The following CCDC192 variants were observed in gnomAD, a reference collection of about 807,000 sequenced individuals.
CCDC192 encodes coiled-coil domain-containing protein 192.
chr5:127,922,417 G>T (rs1025104001), intron 6 of CCDC192, among the ~76,000 whole-genome samples: 4 of 151,808 alleles, frequency 2.6e-5, no homozygotes, highest in African/African-American at 9.7e-5. Context: ...GTTATAAATC[G>T]CAATGCTTAA....
intron 5 of CCDC192, among the ~76,000 whole-genome samples, chr5:127,842,118 C>T (rs1209657614): frequency 6.6e-6 from 1 of 152,238 alleles, no homozygotes; most frequent in African/African-American, 2.4e-5. Flanking sequence ...GCTTCAAGGG[C>T]ATGCATTCCC....
chr5:127,786,530 A>C, intron 3 of CCDC192: 1 of 640,846 alleles, frequency 1.6e-6, no homozygotes, highest in Non-Finnish European at 2.9e-6. Context: ...CTGTTTATTC[A>C]GTGGCCTAAA....
rs202152599 is a variant in CCDC192, at chr5:127,787,720, TTCTA to T, written c.223-9379_223-9376del. ...TATTTTTCTGTTGTTTTGTGGATTG[TTCTA>T]TCTGTCATACTACGTCTGTTATGTC... On this transcript the variant is annotated intron_variant, in intron 3 of 6. Coordinates refer to ENST00000514853, the MANE Select transcript of CCDC192 (RefSeq NM_001317938.2). 5.5e-4 allele frequency among the ~76,000 whole-genome samples: 84 copies of T among 152,330 alleles called. 1 individual carries two copies. The East Asian group carries it at 0.014, about 25-fold the overall frequency.
At chr5:127,708,555 T>C (rs1030359176) in intron 2 of CCDC192, among the ~76,000 whole-genome samples, 16 of 152,298 alleles carry the variant, frequency 1.1e-4, no homozygotes, top group Middle Eastern at 3.4e-3. Context: ...ATAGAGGCAG[T>C]ATAGTATGGA....
chr5:127,929,999 T>G (rs1352621716), intron 6 of CCDC192, among the ~76,000 whole-genome samples: 1 of 151,650 alleles, frequency 6.6e-6, no homozygotes, highest in African/African-American at 2.4e-5. Flanking sequence ...AGGTTAGGAG[T>G]TCAAGACCAG....
At chr5:127,818,304 T>G (rs1366828481) in intron 5 of CCDC192, among the ~76,000 whole-genome samples, 1 of 152,224 alleles carries the variant, frequency 6.6e-6, no homozygotes, top group Non-Finnish European at 1.5e-5. Flanking sequence ...TACTAAAGAC[T>G]GAGTCTCTAG....
chr5:127,736,569 T>C (rs986390705), intron 2 of CCDC192, among the ~76,000 whole-genome samples: 1 of 151,972 alleles, frequency 6.6e-6, no homozygotes, highest in African/African-American at 2.4e-5. Context: ...TGGACTCTTT[T>C]TGGTTGGTAA....
chr5:127,847,764 G>C (rs955380529), intron 5 of CCDC192, among the ~76,000 whole-genome samples: 3 of 151,518 alleles, frequency 2.0e-5, no homozygotes, highest in African/African-American at 7.3e-5. Context: ...TGGAGGTTGC[G>C]GTGAGCCAAG....
rs550777878 is a variant in CCDC192 at position 127,785,352 on chromosome 5, G to T, written c.223-11751G>T. On this transcript the variant is annotated intron_variant, in intron 3 of 6. Transcript: ENST00000514853. ...CTGAATGCTGAAATCCCAGTCTAGG[G>T]GTTCTGAATTTGTCAGGTGATTTTT... The T allele has an allele frequency of 1.3e-3, 553 of 434,912 alleles. 1 individual carries two copies. The highest frequency in any genetic ancestry group is 1.8e-3 in the Non-Finnish European group (408 of 221,346). 26.9% of individuals were successfully genotyped at this position (434,912 alleles called of 1,614,324 possible).
chr5:127,745,464 T>G (rs941690494), intron 2 of CCDC192, among the ~76,000 whole-genome samples: 1 of 152,220 alleles, frequency 6.6e-6, no homozygotes, highest in African/African-American at 2.4e-5. Flanking sequence ...CATCCATGCA[T>G]AATAATAGTC....
At chr5:127,880,017 G>A (rs918077845) in intron 6 of CCDC192, among the ~76,000 whole-genome samples, 31 of 152,132 alleles carry the variant, frequency 2.0e-4, no homozygotes, top group Non-Finnish European at 4.3e-4. Flanking sequence ...AACCATTGTG[G>A]AAGTCAGTGT....
chr5:127,870,443 G>A (rs1482200609), intron 5 of CCDC192, among the ~76,000 whole-genome samples: 4 of 152,212 alleles, frequency 2.6e-5, no homozygotes, highest in African/African-American at 9.6e-5. Context: ...ATTGCTTAGT[G>A]CAGACTGAAG....
intron 1 of CCDC192, among the ~76,000 whole-genome samples, chr5:127,704,747 A>G (rs1750863283): frequency 6.6e-6 from 1 of 152,096 alleles, no homozygotes; most frequent in South Asian, 2.1e-4. Context: ...ATTTTCCCAG[A>G]ACAAAGCAGC....
chr5:127,810,487 T>C (rs1261316132), intron 5 of CCDC192, among the ~76,000 whole-genome samples: 1 of 152,184 alleles, frequency 6.6e-6, no homozygotes, highest in Admixed American at 6.5e-5. Flanking sequence ...TCTAGCTGTA[T>C]ACCCAGAAAG....
intron 2 of CCDC192, among the ~76,000 whole-genome samples, chr5:127,752,971 G>C (rs1316611009): frequency 3.6e-4 from 55 of 152,226 alleles, no homozygotes; most frequent in Non-Finnish European, 6.8e-4. Context: ...CCTGCTTTGG[G>C]TCGCGTCGGT....
intron 6 of CCDC192, among the ~76,000 whole-genome samples, chr5:127,912,052 G>T (rs1021776132): frequency 4.6e-5 from 7 of 151,096 alleles, no homozygotes; most frequent in Non-Finnish European, 8.8e-5. Flanking sequence ...CTCCCGAGCA[G>T]CTGGGACTAC....
chr5:127,932,779 C>T (rs569259057), intron 6 of CCDC192, among the ~76,000 whole-genome samples: 30 of 152,270 alleles, frequency 2.0e-4, no homozygotes, highest in African/African-American at 7.2e-4. Context: ...TTTCATGGAG[C>T]TTTCATTCCA....
At chr5:127,887,811 C>G (rs1752613119) in intron 6 of CCDC192, among the ~76,000 whole-genome samples, 1 of 151,144 alleles carries the variant, frequency 6.6e-6, no homozygotes, top group African/African-American at 2.4e-5. Flanking sequence ...TCATGCCATT[C>G]TCCTGCCTCA....
chr5:127,843,029 G>GTTTTT (rs11428874), intron 5 of CCDC192, among the ~76,000 whole-genome samples: 47 of 91,752 alleles, frequency 5.1e-4, no homozygotes, highest in Non-Finnish European at 6.4e-4. Context: ...TTTTAGTCAA[G>GTTTTT]TTTTTTTTTT....
Sources: gnomAD v4.1 joint callset for allele counts (sites outside exome capture counted in the v4.1 genomes callset) on GRCh38, gnomAD v4.1.1 for gene constraint, MANE v1.5 for transcripts, NCBI Gene and HGNC (gene_info 2026-07-23, HGNC 2026-07-21) for gene names.